The following NR6A1 variants were observed in gnomAD, a reference collection of about 807,000 sequenced individuals.
NR6A1 encodes the protein nuclear receptor subfamily 6 group A member 1.
In NR6A1, 7 loss-of-function variants were observed where a neutral mutation model predicts 59.1. That is an observed-to-expected ratio of 0.12 (90% CI 0.07 to 0.22). NR6A1 has a LOEUF of 0.22. Ranked by LOEUF, NR6A1 falls within the 10% of genes least tolerant of loss-of-function variation. The pLI is 1.00. For missense variants in NR6A1, 468 were observed against 611.6 expected, an observed-to-expected ratio of 0.77 and a Z score of 2.48; for synonymous variants, 243 against 236.1, an observed-to-expected ratio of 1.03 and a Z score of -0.27.
intron 1 of NR6A1, among the ~76,000 whole-genome samples, chr9:124,735,275 A>G (rs1183182076): frequency 6.6e-6 from 1 of 152,192 alleles, no homozygotes; most frequent in Non-Finnish European, 1.5e-5. Flanking sequence ...TTCAGTTCCA[A>G]TATCACAACA....
At chr9:124,641,384 G>A (rs897528797) in intron 2 of NR6A1, among the ~76,000 whole-genome samples, 1 of 151,210 alleles carries the variant, frequency 6.6e-6, no homozygotes, top group Non-Finnish European at 1.5e-5. Context: ...AGAAAAGAAG[G>A]AAAAGAAAGT....
intron 1 of NR6A1, among the ~76,000 whole-genome samples, chr9:124,770,637 G>A (rs1209529409): frequency 1.4e-5 from 2 of 146,478 alleles, no homozygotes; most frequent in African/African-American, 5.1e-5. Context: ...CCCGGGGGGA[G>A]GGGAAGGTTC....
chr9:124,681,550 C>A (rs1013105669), intron 2 of NR6A1, among the ~76,000 whole-genome samples: 1 of 151,990 alleles, frequency 6.6e-6, no homozygotes, highest in African/African-American at 2.4e-5. Context: ...TTATGTTGGT[C>A]AGGCTGGTCT....
At chr9:124,597,244 T>C (rs1261212807) in intron 2 of NR6A1, among the ~76,000 whole-genome samples, 5 of 151,934 alleles carry the variant, frequency 3.3e-5, no homozygotes, top group Non-Finnish European at 7.4e-5. Flanking sequence ...CATGACACAC[T>C]TTACCCCATC....
In NR6A1 at chr9:124,730,198, C is replaced by A. The variant is rs1033021000; in HGVS notation, c.142+3110G>T. On this transcript the variant is annotated intron_variant, in intron 2 of 9. Transcript: ENST00000487099. ...TACTAACTTCCCAATATAGAAATTA[C>A]TGAGAATATTACCCACATACGCTAA... Among the ~76,000 whole-genome samples the A allele has an allele frequency of 5.3e-5, 8 of 152,282 alleles. No homozygotes were observed. In the East Asian group the frequency reaches 1.5e-3, roughly 29 times the overall value.
chr9:124,720,048 C>T (rs921870229), intron 2 of NR6A1, among the ~76,000 whole-genome samples: 2 of 152,030 alleles, frequency 1.3e-5, no homozygotes, highest in African/African-American at 2.4e-5. Context: ...AACTCTTGAA[C>T]GTTTTTGGGT....
Position 124,736,777 on chromosome 9 carries a change from G to A in NR6A1, c.101-3428C>T, listed in dbSNP as rs577360704. ...AGAGATCACCTGAGCTTAGGAGGTC[G>A]AGGATGCAGTGAGCCATGATCGTGC... On this transcript the variant is annotated intron_variant, in intron 1 of 9. Coordinates refer to ENST00000487099, the MANE Select transcript of NR6A1 (RefSeq NM_033334.4). 1.6e-4 allele frequency among the ~76,000 whole-genome samples: 25 copies of A among 152,156 alleles called. No individual in the cohort carries two copies. In the South Asian group the frequency reaches 5.0e-3, roughly 30 times the overall value.
rs1439280858 is a variant in NR6A1, at chr9:124,557,171, C to A, written c.143-2601G>T. Among the ~76,000 whole-genome samples the A allele has an allele frequency of 2.6e-5, 4 of 152,256 alleles. No individual in the cohort carries two copies. The East Asian group carries it at 5.8e-4, about 22-fold the overall frequency. ...TTGAGACGGATCTCACTCTGTAGCCCAGGCTGGAGTGCAGTAGCGCGATCT... is the reference window on the plus strand; with the variant it reads ...TTGAGACGGATCTCACTCTGTAGCCAAGGCTGGAGTGCAGTAGCGCGATCT... On this transcript the variant is annotated intron_variant, in intron 2 of 9. Transcript: ENST00000487099.
At chr9:124,728,012 A>G (rs1839774608) in intron 2 of NR6A1, among the ~76,000 whole-genome samples, 1 of 145,206 alleles carries the variant, frequency 6.9e-6, no homozygotes, top group African/African-American at 2.5e-5. Flanking sequence ...TTTTATTTTT[A>G]TTTTTATTTT....
chr9:124,534,985 G>T (rs539583659), intron 7 of NR6A1, among the ~76,000 whole-genome samples: 2 of 152,134 alleles, frequency 1.3e-5, no homozygotes, highest in African/African-American at 4.8e-5. Flanking sequence ...TTAGCCGGGC[G>T]TGGTGGCGGG....
Position 124,677,544 on chromosome 9 carries a change from T to C in NR6A1, c.142+55764A>G, listed in dbSNP as rs960536025. ...TCCCAAAGTGCTAGGATTACAAGCA[T>C]GAGCCACTATGCCCAGCCTTATTTT... On this transcript the variant is annotated intron_variant, in intron 2 of 9. Transcript: ENST00000487099. Among the ~76,000 whole-genome samples, 11 of 152,178 alleles carry C rather than the reference T, an allele frequency of 7.2e-5. No individual in the cohort carries two copies. In the East Asian group the frequency reaches 2.1e-3, roughly 30 times the overall value.
At chr9:124,690,925 T>A (rs3739760) in intron 2 of NR6A1, among the ~76,000 whole-genome samples, 29 of 152,106 alleles carry the variant, frequency 1.9e-4, no homozygotes, top group African/African-American at 6.3e-4. Context: ...TCCAGAAACC[T>A]ACCTTTCTGT....
chr9:124,660,146 A>C (rs1447616059), intron 2 of NR6A1, among the ~76,000 whole-genome samples: 1 of 152,226 alleles, frequency 6.6e-6, no homozygotes, highest in Non-Finnish European at 1.5e-5. Context: ...TAAGGTAGAA[A>C]ACTTTAAAGA....
chr9:124,761,119 A>C (rs140387367), intron 1 of NR6A1, among the ~76,000 whole-genome samples: 60 of 152,370 alleles, frequency 3.9e-4, no homozygotes, highest in African/African-American at 1.2e-3. Context: ...AATTAAAGCA[A>C]TTTAACTCAA....
intron 2 of NR6A1, among the ~76,000 whole-genome samples, chr9:124,618,263 C>T (rs1285206323): frequency 1.3e-5 from 2 of 152,182 alleles, no homozygotes; most frequent in Non-Finnish European, 2.9e-5. Context: ...AGGCGGATCA[C>T]TTGAGGACAA....
intron 2 of NR6A1, among the ~76,000 whole-genome samples, chr9:124,695,061 C>T (rs527295977): frequency 6.6e-6 from 1 of 152,324 alleles, no homozygotes; most frequent in African/African-American, 2.4e-5. Flanking sequence ...ATAAAGTTCA[C>T]TAGCTTAACA....
chr9:124,524,135 T>G (rs1832865726), intron 9 of NR6A1, among the ~76,000 whole-genome samples: 1 of 152,190 alleles, frequency 6.6e-6, no homozygotes, highest in South Asian at 2.1e-4. Flanking sequence ...TTATTTTAAA[T>G]TTTTTAGAGA....
intron 2 of NR6A1, among the ~76,000 whole-genome samples, chr9:124,660,302 T>A (rs1387880545): frequency 1.3e-5 from 2 of 152,148 alleles, no homozygotes; most frequent in Non-Finnish European, 2.9e-5. Flanking sequence ...GAAAATTAAG[T>A]GTGAATAAAA....
chr9:124,558,761 G>A (rs534073412), intron 2 of NR6A1, among the ~76,000 whole-genome samples: 3 of 151,824 alleles, frequency 2.0e-5, no homozygotes, highest in East Asian at 1.9e-4. Context: ...TACATTCTTT[G>A]GCCACAGCAA....
Sources: gnomAD v4.1 joint callset for allele counts (sites outside exome capture counted in the v4.1 genomes callset) on GRCh38, gnomAD v4.1.1 for gene constraint, MANE v1.5 for transcripts, NCBI Gene and HGNC (gene_info 2026-07-23, HGNC 2026-07-21) for gene names.